RNF13: variants seen among roughly 807,000 people sequenced by gnomAD.
The protein encoded by RNF13 is ring finger protein 13.
RNF13 carries 19 observed loss-of-function variants against 37.7 expected under a neutral mutation model. That is an observed-to-expected ratio of 0.50 (90% CI 0.35 to 0.74). The LOEUF is 0.74. Ranked by LOEUF, RNF13 falls within the 30% of genes least tolerant of loss-of-function variation. RNF13 has a pLI of 0.01. For synonymous variants in RNF13, 144 were observed against 157.8 expected (o/e 0.91, Z 0.65); for missense variants, 375 against 453.0 (o/e 0.83, Z 1.56).
chr3:149,954,118 TC>T (rs1159909284), intron 8 of RNF13, among the ~76,000 whole-genome samples: 1 of 152,182 alleles, frequency 6.6e-6, no homozygotes, highest in African/African-American at 2.4e-5. Context: ...AGATTTGACA[TC>T]TTAAGTAAAA....
intron 4 of RNF13, among the ~76,000 whole-genome samples, chr3:149,876,641 C>T (rs555232979): frequency 1.3e-5 from 2 of 151,996 alleles, no homozygotes; most frequent in Non-Finnish European, 2.9e-5. Flanking sequence ...TAGTTTCTGT[C>T]ATGTCCTCCA....
intron 1 of RNF13, among the ~76,000 whole-genome samples, chr3:149,828,387 C>A (rs1397637090): frequency 6.6e-6 from 1 of 152,180 alleles, no homozygotes; most frequent in Non-Finnish European, 1.5e-5. Flanking sequence ...TGTGAGGAAT[C>A]ATGAAAATAA....
chr3:149,843,028 A>G (rs1207858793), intron 1 of RNF13, among the ~76,000 whole-genome samples: 1 of 152,204 alleles, frequency 6.6e-6, no homozygotes, highest in African/African-American at 2.4e-5. Context: ...CTCCGTATCC[A>G]TGGGTTCTAC....
intron 4 of RNF13, among the ~76,000 whole-genome samples, chr3:149,876,771 CTTT>C (rs768071913): frequency 1.2e-5 from 1 of 82,514 alleles, no homozygotes; most frequent in African/African-American, 5.0e-5. Flanking sequence ...GTCATCATAT[CTTT>C]TTTTTTTTTT....
intron 5 of RNF13, among the ~76,000 whole-genome samples, chr3:149,899,202 T>C (rs1181754129): frequency 6.6e-6 from 1 of 152,162 alleles, no homozygotes; most frequent in Non-Finnish European, 1.5e-5. Context: ...TCCTAGCACT[T>C]TGGGAGGCCA....
At chr3:149,848,106 T>A (rs1199238249) in intron 2 of RNF13, among the ~76,000 whole-genome samples, 1 of 152,244 alleles carries the variant, frequency 6.6e-6, no homozygotes, top group African/African-American at 2.4e-5. Context: ...TATATATGGT[T>A]TTAATCTTCA....
chr3:149,817,870 A>C (rs1719622963), intron 1 of RNF13, among the ~76,000 whole-genome samples: 1 of 152,162 alleles, frequency 6.6e-6, no homozygotes, highest in South Asian at 2.1e-4. Flanking sequence ...AGAACCTATT[A>C]TAAGAAAAAA....
intron 8 of RNF13, among the ~76,000 whole-genome samples, chr3:149,958,974 C>T (rs1034236401): frequency 2.0e-5 from 3 of 152,184 alleles, no homozygotes; most frequent in African/African-American, 7.2e-5. Flanking sequence ...GGGATTGTTT[C>T]AGAAGAACTA....
At chr3:149,924,605 T>G (rs1005274761) in intron 8 of RNF13, among the ~76,000 whole-genome samples, 4 of 152,068 alleles carry the variant, frequency 2.6e-5, no homozygotes, top group African/African-American at 9.7e-5. Context: ...AGATGAGAGC[T>G]CAGTATTGAC....
At position 149,844,883 on chromosome 3, in the gene RNF13, C is replaced by T. The variant is rs547333584; in HGVS notation, c.-16-1128C>T. 3.3e-4 allele frequency among the ~76,000 whole-genome samples: 50 copies of T among 152,160 alleles called. No homozygotes were observed. In the South Asian group the frequency reaches 5.4e-3, roughly 16 times the overall value. ...CCATCACCAGAGTCTAATTTTAGAA[C>T]ATTTTCACCATCTCCCCTCCAAAAC... On this transcript the variant is annotated intron_variant, in intron 1 of 9. Coordinates refer to ENST00000392894, the MANE Select transcript of RNF13 (RefSeq NM_183381.3).
At chr3:149,818,874 G>C (rs1446873045) in intron 1 of RNF13, among the ~76,000 whole-genome samples, 1 of 152,096 alleles carries the variant, frequency 6.6e-6, no homozygotes, top group African/African-American at 2.4e-5. Flanking sequence ...CCGCGGCACT[G>C]TACTCCAGCC....
intron 6 of RNF13, among the ~76,000 whole-genome samples, chr3:149,907,146 C>A (rs1331839934): frequency 6.6e-6 from 1 of 152,146 alleles, no homozygotes; most frequent in Non-Finnish European, 1.5e-5. Flanking sequence ...TAATAACCTG[C>A]AATTTGACTA....
chr3:149,921,463 C>G (rs952392826), intron 8 of RNF13, among the ~76,000 whole-genome samples: 3 of 152,128 alleles, frequency 2.0e-5, no homozygotes, highest in Non-Finnish European at 2.9e-5. Context: ...CCCTCCACCC[C>G]CCAACAGGCC....
chr3:149,835,423 CT>C (rs1721498548), intron 1 of RNF13, among the ~76,000 whole-genome samples: 1 of 152,058 alleles, frequency 6.6e-6, no homozygotes, highest in Non-Finnish European at 1.5e-5. Flanking sequence ...CCTTCACCCC[CT>C]CCTACCCTTT....
intron 7 of RNF13, among the ~76,000 whole-genome samples, chr3:149,920,790 C>CTTTTT (rs34551883): frequency 4.0e-5 from 5 of 124,008 alleles, no homozygotes; most frequent in Non-Finnish European, 6.6e-5. Flanking sequence ...CCTTCCCATT[C>CTTTTT]TTTTTTTTTT....
At chr3:149,827,396 G>A (rs899428259) in intron 1 of RNF13, among the ~76,000 whole-genome samples, 1 of 152,042 alleles carries the variant, frequency 6.6e-6, no homozygotes, top group African/African-American at 2.4e-5. Context: ...GAGGATGACT[G>A]TATATATAAA....
chr3:149,944,823 A>G (rs1200159725), intron 8 of RNF13, among the ~76,000 whole-genome samples: 1 of 151,920 alleles, frequency 6.6e-6, no homozygotes, highest in East Asian at 1.9e-4. Flanking sequence ...GTTAGATCCC[A>G]TTTGTCAATT....
At position 149,921,121 on chromosome 3, in the gene RNF13, C is replaced by A; in HGVS notation, c.607-13C>A. On this transcript the variant is annotated splice_polypyrimidine_tract_variant and intron_variant, in intron 7 of 9. Coordinates refer to ENST00000392894, the MANE Select transcript of RNF13 (RefSeq NM_183381.3). The stretch of plus-strand genomic sequence containing the variant: ...TTAATATCTGACTCCTTTTTTTACT[C>A]TTTTATTTTTAGATCACAAAATTTG... 2.5e-6 allele frequency: 3 copies of A among 1,193,416 alleles called. No homozygotes were observed. Among genetic ancestry groups the A allele is most frequent in the Non-Finnish European group, 2.2e-6 (2 of 892,404 alleles). The allele number at this position is 1,193,416 out of a possible 1,614,324, so 73.9% of individuals were successfully genotyped here.
At chr3:149,861,175 T>C (rs1446981070) in intron 3 of RNF13, among the ~76,000 whole-genome samples, 1 of 151,182 alleles carries the variant, frequency 6.6e-6, no homozygotes, top group Non-Finnish European at 1.5e-5. Context: ...TGTAAATTAG[T>C]ACAACTACTG....
Sources: allele counts gnomAD v4.1 joint callset (sites outside exome capture counted in the v4.1 genomes callset), GRCh38; gene constraint gnomAD v4.1.1; transcripts MANE v1.5; gene names NCBI Gene and HGNC (gene_info 2026-07-23, HGNC 2026-07-21).